The following TAOK3 variants were observed in gnomAD, a reference collection of about 807,000 sequenced individuals.
The protein encoded by TAOK3 is serine/threonine-protein kinase TAO3.
Under a neutral mutation model 120.4 loss-of-function variants are expected in TAOK3, and 40 were observed. The observed-to-expected ratio is 0.33, with a 90% CI of 0.26 to 0.43. The LOEUF is 0.43. Among genes scored for constraint, TAOK3 ranks in the 20% least tolerant of loss-of-function variants. The pLI is 1.00. For synonymous variants in TAOK3, 355 were observed against 387.5 expected (o/e 0.92, Z 0.99); for missense variants, 821 against 1,112.1 (o/e 0.74, Z 3.72).
At chr12:118,344,263 T>C (rs141752659) in intron 1 of TAOK3, among the ~76,000 whole-genome samples, 5 of 150,936 alleles carry the variant, frequency 3.3e-5, no homozygotes, top group Non-Finnish European at 5.9e-5. Flanking sequence ...CTCTTGATTA[T>C]TTTAAAACAA....
chr12:118,211,300 T>C (rs2038618142), intron 11 of TAOK3, among the ~76,000 whole-genome samples: 1 of 152,206 alleles, frequency 6.6e-6, no homozygotes, highest in Admixed American at 6.5e-5. Context: ...TGTTTTGTTT[T>C]CTTTTTCAGG....
intron 1 of TAOK3, among the ~76,000 whole-genome samples, chr12:118,269,725 A>C (rs1045543176): frequency 3.3e-5 from 5 of 152,094 alleles, no homozygotes; most frequent in African/African-American, 1.2e-4. Context: ...TTTGGTTGCC[A>C]AGCTCTATAT....
At chr12:118,343,752 C>T (rs1356099600) in intron 1 of TAOK3, among the ~76,000 whole-genome samples, 7 of 152,110 alleles carry the variant, frequency 4.6e-5, no homozygotes, top group Non-Finnish European at 8.8e-5. Context: ...GTGGCTCACA[C>T]CTGTAATCCC....
chr12:118,308,925 T>G (rs2043153899), intron 1 of TAOK3, among the ~76,000 whole-genome samples: 2 of 95,258 alleles, frequency 2.1e-5, no homozygotes, highest in Non-Finnish European at 3.9e-5. Context: ...AGCGAAACTC[T>G]GTCTCCAAAA....
At chr12:118,335,195 A>C (rs1253177051) in intron 1 of TAOK3, among the ~76,000 whole-genome samples, 1 of 152,038 alleles carries the variant, frequency 6.6e-6, no homozygotes, top group Non-Finnish European at 1.5e-5. Flanking sequence ...AAAAAAAAAA[A>C]AAAAAATCTG....
chr12:118,250,619 C>T (rs193109497), intron 3 of TAOK3, among the ~76,000 whole-genome samples: 4 of 152,300 alleles, frequency 2.6e-5, no homozygotes, highest in African/African-American at 9.6e-5. Flanking sequence ...TAGCTGCCCA[C>T]AATTTATCAG....
chr12:118,304,880 C>T (rs576610561), intron 1 of TAOK3, among the ~76,000 whole-genome samples: 3 of 152,254 alleles, frequency 2.0e-5, no homozygotes, highest in African/African-American at 7.2e-5. Context: ...AGAAACAACA[C>T]GACACCTGGA....
intron 2 of TAOK3, among the ~76,000 whole-genome samples, chr12:118,262,434 A>G (rs1320150094): frequency 2.0e-5 from 3 of 151,994 alleles, no homozygotes; most frequent in Admixed American, 2.0e-4. Flanking sequence ...GTGAGCTGAG[A>G]TCGCACTACT....
intron 3 of TAOK3, among the ~76,000 whole-genome samples, chr12:118,249,116 C>T (rs2040640142): frequency 6.6e-6 from 1 of 152,182 alleles, no homozygotes; most frequent in Non-Finnish European, 1.5e-5. Flanking sequence ...ATGCTTAATA[C>T]TTCCAATAGT....
intron 19 of TAOK3, among the ~76,000 whole-genome samples, chr12:118,154,236 A>G (rs761409197): frequency 6.6e-6 from 1 of 152,206 alleles, no homozygotes. Flanking sequence ...TCTATGGTCA[A>G]TTTAGACCAT....
At chr12:118,262,460 C>T (rs1332684685) in intron 2 of TAOK3, among the ~76,000 whole-genome samples, 1 of 151,062 alleles carries the variant, frequency 6.6e-6, no homozygotes, top group Non-Finnish European at 1.5e-5. Flanking sequence ...CTAGCCGGGG[C>T]GACAGGGCGA....
chr12:118,237,736 A>G (rs1454853603), intron 7 of TAOK3, among the ~76,000 whole-genome samples: 2 of 152,208 alleles, frequency 1.3e-5, no homozygotes, highest in Non-Finnish European at 2.9e-5. Context: ...AACTCTGCTA[A>G]CAGATAAATA....
At chr12:118,253,383 CTTAAT>C (rs1456978194) in intron 3 of TAOK3, among the ~76,000 whole-genome samples, 18 of 152,140 alleles carry the variant, frequency 1.2e-4, no homozygotes, top group South Asian at 4.1e-4. Flanking sequence ...ATAATTAGTA[CTTAAT>C]TTATTATTTG....
chr12:118,178,371 A>G (rs908177662), intron 15 of TAOK3, among the ~76,000 whole-genome samples: 5 of 152,230 alleles, frequency 3.3e-5, no homozygotes, highest in African/African-American at 1.2e-4. Context: ...TTTTATTCCA[A>G]GAATCAAACT....
Position 118,212,974 on chromosome 12 carries a change from A to T in TAOK3, c.759T>A (p.Phe253Leu), listed in dbSNP as rs1168792128. The T allele has an allele frequency of 6.2e-7, 1 of 1,612,850 alleles. No individual in the cohort carries two copies. The highest frequency in any genetic ancestry group is 8.5e-7 in the Non-Finnish European group (1 of 1,179,586). The change falls in exon 11 of 21, where the codon TTT (phenylalanine) becomes TTA (leucine). Residue 253 changes from phenylalanine to leucine, a missense_variant. By Grantham distance (22) the Phe-to-Leu change is conservative (BLOSUM62 0). Coordinates refer to ENST00000392533, the MANE Select transcript of TAOK3 (RefSeq NM_016281.4). Reference protein sequence around the residue: ...SNEWTDSFRRFVDYCLQKIPQ... With the variant: ...SNEWTDSFRRLVDYCLQKIPQ... ...GTATTTTCTGCAAGCAGTAATCAAC[A>T]AATCTCCTAAAGGAGTCTGTCCTGT...
chr12:118,159,220 T>C (rs1346950675), intron 19 of TAOK3, among the ~76,000 whole-genome samples: 2 of 152,214 alleles, frequency 1.3e-5, no homozygotes, highest in Non-Finnish European at 2.9e-5. Flanking sequence ...TTAAAGTTTC[T>C]TGGCTCCCTC....
intron 1 of TAOK3, among the ~76,000 whole-genome samples, chr12:118,275,985 A>G (rs999984125): frequency 6.6e-6 from 1 of 152,178 alleles, no homozygotes; most frequent in Non-Finnish European, 1.5e-5. Context: ...AGCGTGGGTA[A>G]GGGAAAGTGA....
chr12:118,223,293 T>TC (rs1324049666), intron 9 of TAOK3, among the ~76,000 whole-genome samples: 11 of 151,512 alleles, frequency 7.3e-5, no homozygotes, highest in Admixed American at 2.0e-4. Flanking sequence ...TCTCCTAACC[T>TC]CGTGATCCGC....
chr12:118,156,139 G>T (rs567112467), intron 19 of TAOK3, among the ~76,000 whole-genome samples: 1 of 152,270 alleles, frequency 6.6e-6, no homozygotes, highest in South Asian at 2.1e-4. Flanking sequence ...ACCTCCATGT[G>T]TCTATCAACT....
Sources: gnomAD v4.1 joint callset for allele counts (sites outside exome capture counted in the v4.1 genomes callset) on GRCh38, gnomAD v4.1.1 for gene constraint, MANE v1.5 for transcripts, NCBI Gene and HGNC (gene_info 2026-07-23, HGNC 2026-07-21) for gene names.